CLSTN2: variants seen among roughly 807,000 people sequenced by gnomAD.
The protein encoded by CLSTN2 is calsyntenin-2.
Under a neutral mutation model 101.2 loss-of-function variants are expected in CLSTN2, and 48 were observed. That is an observed-to-expected ratio of 0.47 (90% confidence interval 0.38 to 0.60). CLSTN2 has a LOEUF of 0.60. Ranked by LOEUF, CLSTN2 falls within the 20% of genes least tolerant of loss-of-function variation. The pLI, the probability that CLSTN2 is intolerant of heterozygous loss-of-function variation, is 0.00. For missense variants in CLSTN2, 1,160 were observed against 1,238.2 expected (o/e 0.94, Z 0.95); for synonymous variants, 481 against 463.6 (o/e 1.04, Z -0.48).
chr3:140,278,612 G>C (rs2086816706), intron 2 of CLSTN2, among the ~76,000 whole-genome samples: 1 of 152,218 alleles, frequency 6.6e-6, no homozygotes, highest in South Asian at 2.1e-4. Flanking sequence ...TCCTGGAGGG[G>C]AAGATGGCAC....
At chr3:140,142,240 C>T (rs192933024) in intron 1 of CLSTN2, among the ~76,000 whole-genome samples, 3 of 152,248 alleles carry the variant, frequency 2.0e-5, no homozygotes, top group South Asian at 2.1e-4. Context: ...GGGCAGGGCT[C>T]GTGGTTTCAT....
intron 8 of CLSTN2, among the ~76,000 whole-genome samples, chr3:140,530,092 G>A (rs908208344): frequency 6.6e-6 from 1 of 151,958 alleles, no homozygotes; most frequent in African/African-American, 2.4e-5. Flanking sequence ...CTTTCCTAAG[G>A]ATATAATCAG....
At chr3:140,015,090 A>T (rs979836942) in intron 1 of CLSTN2, among the ~76,000 whole-genome samples, 20 of 152,168 alleles carry the variant, frequency 1.3e-4, no homozygotes, top group African/African-American at 4.8e-4. Context: ...CGTGAGTCCC[A>T]TAGGGGTGGT....
intron 1 of CLSTN2, among the ~76,000 whole-genome samples, chr3:140,099,654 C>T (rs1560094405): frequency 6.6e-6 from 1 of 152,134 alleles, no homozygotes; most frequent in Non-Finnish European, 1.5e-5. Context: ...AGAACTGGGT[C>T]CCATAGTCCC....
intron 2 of CLSTN2, among the ~76,000 whole-genome samples, chr3:140,323,581 A>G (rs1382443520): frequency 1.3e-5 from 2 of 152,166 alleles, no homozygotes; most frequent in African/African-American, 4.8e-5. Flanking sequence ...ATCTGGGGCA[A>G]GTTGCATAGC....
At chr3:140,359,328 A>T (rs2087704204) in intron 2 of CLSTN2, among the ~76,000 whole-genome samples, 1 of 152,216 alleles carries the variant, frequency 6.6e-6, no homozygotes, top group African/African-American at 2.4e-5. Flanking sequence ...GCTTAAATTT[A>T]AACCATGTAT....
At chr3:140,434,865 C>CT in intron 5 of CLSTN2, among the ~76,000 whole-genome samples, 1 of 152,046 alleles carries the variant, frequency 6.6e-6, no homozygotes, top group South Asian at 2.1e-4. Flanking sequence ...TTTTCTTTTC[C>CT]TTTTTTTATC....
intron 1 of CLSTN2, among the ~76,000 whole-genome samples, chr3:139,998,059 T>C (rs1489779393): frequency 6.6e-6 from 1 of 152,150 alleles, no homozygotes. Flanking sequence ...ACATTTAGTA[T>C]GGTCAAAAAG....
intron 12 of CLSTN2, among the ~76,000 whole-genome samples, chr3:140,559,799 C>A (rs1454610045): frequency 1.3e-5 from 2 of 152,126 alleles, no homozygotes; most frequent in African/African-American, 4.8e-5. Context: ...ATCCTAATTA[C>A]CTATTGCCTT....
At chr3:140,241,858 C>T (rs926264248) in intron 2 of CLSTN2, among the ~76,000 whole-genome samples, 5 of 136,034 alleles carry the variant, frequency 3.7e-5, no homozygotes, top group East Asian at 2.0e-4. Context: ...TATATATACA[C>T]ATATATATAC....
chr3:140,231,473 C>T (rs938608662), intron 2 of CLSTN2, among the ~76,000 whole-genome samples: 8 of 152,276 alleles, frequency 5.3e-5, no homozygotes, highest in Admixed American at 1.3e-4. Flanking sequence ...CAAGGGGAGA[C>T]AAATTCAGGT....
intron 1 of CLSTN2, among the ~76,000 whole-genome samples, chr3:139,971,864 G>T (rs912189190): frequency 5.3e-5 from 8 of 152,104 alleles, no homozygotes; most frequent in Non-Finnish European, 8.8e-5. Flanking sequence ...CTGGTCCCCT[G>T]GGCTCCAGTG....
chr3:140,262,675 G>A (rs1472733233), intron 2 of CLSTN2, among the ~76,000 whole-genome samples: 2 of 152,140 alleles, frequency 1.3e-5, no homozygotes, highest in Non-Finnish European at 2.9e-5. Flanking sequence ...TCTACATTAT[G>A]AAGGTAGTGC....
intron 1 of CLSTN2, among the ~76,000 whole-genome samples, chr3:139,980,939 T>C (rs770662824): frequency 9.2e-5 from 14 of 152,106 alleles, no homozygotes; most frequent in Non-Finnish European, 1.9e-4. Context: ...GGGAGGTCAT[T>C]TACTGCCTTC....
At chr3:140,026,399 G>A (rs2007420524) in intron 1 of CLSTN2, among the ~76,000 whole-genome samples, 3 of 152,192 alleles carry the variant, frequency 2.0e-5, no homozygotes, top group African/African-American at 7.2e-5. Flanking sequence ...GTGCTGTGTG[G>A]GGTGTGTATG....
Position 140,567,478 on chromosome 3 carries a change from G to C in CLSTN2, c.*1225G>C, listed in dbSNP as rs547086762. On this transcript the variant is annotated 3_prime_UTR_variant, in exon 17 of 17. Transcript: ENST00000458420. The stretch of plus-strand genomic sequence containing the variant: ...CTTTAGATAGAGGGCAAATATATCT[G>C]AAAACCTAATTTCTTTCTTTTTTTG... 1.3e-5 allele frequency: 2 copies of C among 152,200 alleles called. No homozygotes were observed. The highest frequency in any genetic ancestry group is 4.8e-5 in the African/African-American group (2 of 41,458). 9.4% of individuals were successfully genotyped at this position (152,200 alleles called of 1,614,324 possible).
At chr3:140,496,043 ATTAC>A (rs1212017964) in intron 8 of CLSTN2, among the ~76,000 whole-genome samples, 1 of 152,198 alleles carries the variant, frequency 6.6e-6, no homozygotes, top group Non-Finnish European at 1.5e-5. Context: ...GAATCTATAA[ATTAC>A]TTTGGGCAGT....
chr3:139,946,759 T>C (rs536009722), intron 1 of CLSTN2, among the ~76,000 whole-genome samples: 41 of 152,346 alleles, frequency 2.7e-4, no homozygotes, highest in African/African-American at 9.9e-4. Context: ...AGTGAGGATC[T>C]GGGTCTTCTG....
At chr3:140,542,502 A>C (rs1019305631) in intron 9 of CLSTN2, among the ~76,000 whole-genome samples, 2 of 152,204 alleles carry the variant, frequency 1.3e-5, no homozygotes, top group Non-Finnish European at 2.9e-5. Context: ...CACGTGGCCT[A>C]TGCAGCCCAT....
Sources: allele counts gnomAD v4.1 joint callset (sites outside exome capture counted in the v4.1 genomes callset), GRCh38; gene constraint gnomAD v4.1.1; transcripts MANE v1.5; gene names NCBI Gene and HGNC (gene_info 2026-07-23, HGNC 2026-07-21).